Variants in VPS35L observed in about 807,000 individuals in gnomAD.
VPS35L encodes the protein VPS35 endosomal protein sorting factor like.
A neutral mutation model predicts 133.0 loss-of-function variants in VPS35L; 83 were observed. The observed-to-expected ratio is 0.62, with a 90% CI of 0.52 to 0.75. The LOEUF (loss-of-function observed/expected upper bound fraction) is 0.75, where lower values mean the gene tolerates loss of function less well. Among genes scored for constraint, VPS35L ranks in the 30% least tolerant of loss-of-function variants. VPS35L has a pLI of 0.00. For missense variants in VPS35L, 1,083 were observed against 1,206.8 expected, an observed-to-expected ratio of 0.90 and a Z score of 1.52; for synonymous variants, 423 against 449.9, an observed-to-expected ratio of 0.94 and a Z score of 0.76.
At chr16:19,667,089 G>A (rs1009374878) in intron 26 of VPS35L, among the ~76,000 whole-genome samples, 4 of 151,600 alleles carry the variant, frequency 2.6e-5, no homozygotes, top group Non-Finnish European at 4.4e-5. Flanking sequence ...TCAGCCTCCC[G>A]AGTAGCTGGA....
chr16:19,578,328 C>T (rs530691612), intron 5 of VPS35L: 26 of 440,062 alleles, frequency 5.9e-5, no homozygotes, highest in Non-Finnish European at 8.5e-5. Context: ...GAGCCGAGAT[C>T]GCGCCACCGC....
At position 19,633,059 on chromosome 16, in the gene VPS35L, C is replaced by T; in HGVS notation, c.1555-33C>T. The T allele has an allele frequency of 1.3e-6, 2 of 1,588,032 alleles. No individual in the cohort carries two copies. Among genetic ancestry groups the T allele is most frequent in the Non-Finnish European group, 1.7e-6 (2 of 1,156,354 alleles). On this transcript the variant is annotated intron_variant, in intron 18 of 30. Coordinates refer to ENST00000417362, the MANE Select transcript of VPS35L (RefSeq NM_020314.7). This position sits in a 1 kb window ranked among gnomAD's most constrained non-coding sequence, Gnocchi z 4.1. ...ATGGTCAGCAGTTGCCATACAGTGT[C>T]TAATTCAGGTTTGGTTCCTTTTTCC...
At chr16:19,627,516 A>G (rs1255462380) in intron 15 of VPS35L, among the ~76,000 whole-genome samples, 178 bp from the exon 16 acceptor site, 1 of 152,146 alleles carries the variant, frequency 6.6e-6, no homozygotes, top group East Asian at 1.9e-4. Flanking sequence ...TGAGTTGCAG[A>G]TATGTACAGG....
chr16:19,620,675 G>T (rs1308066592), intron 14 of VPS35L, among the ~76,000 whole-genome samples: 1 of 152,118 alleles, frequency 6.6e-6, no homozygotes, highest in African/African-American at 2.4e-5. Context: ...ATTAGGCCAG[G>T]CGTGGTGGCA....
rs1427745065 is a variant in VPS35L at position 19,699,488 on chromosome 16, C to T, written c.2647-14C>T. Reference sequence around the variant, plus strand: ...GCCCCAGTGCAAGGCAGTAACCTCCCTTTTCTGTTTCAGGCCCTGAAGCGC... The same window carrying T: ...GCCCCAGTGCAAGGCAGTAACCTCCTTTTTCTGTTTCAGGCCCTGAAGCGC... On this transcript the variant is annotated splice_polypyrimidine_tract_variant and intron_variant, in intron 29 of 30. Transcript: ENST00000417362. This position sits in a 1 kb window ranked among gnomAD's most constrained non-coding sequence, Gnocchi z 4.2. 1.2e-6 allele frequency: 2 copies of T among 1,613,854 alleles called. No individual in the cohort carries two copies. Among genetic ancestry groups the T allele is most frequent in the Admixed American group, 1.7e-5 (1 of 60,012 alleles).
intron 5 of VPS35L, among the ~76,000 whole-genome samples, chr16:19,575,908 C>G (rs1971518231): frequency 6.8e-6 from 1 of 147,676 alleles, no homozygotes; most frequent in Non-Finnish European, 1.5e-5. Context: ...GTAATCCCAG[C>G]AGTTTGGGAG....
chr16:19,570,874 TATATATATATATATA>T (rs1567388743), intron 3 of VPS35L, among the ~76,000 whole-genome samples: 47 of 88,202 alleles, frequency 5.3e-4, no homozygotes, highest in African/African-American at 1.1e-3. Context: ...TATATATATA[TATATATATATATATA>T]TTTTTGAGAT....
Position 19,691,473 on chromosome 16 carries a change from TG to T in VPS35L, c.2646+5del. The T allele has an allele frequency of 6.2e-7, 1 of 1,610,724 alleles. No individual in the cohort carries two copies. Among genetic ancestry groups the T allele is most frequent in the Non-Finnish European group, 8.5e-7 (1 of 1,177,006 alleles). On this transcript the variant is annotated splice_donor_region_variant and intron_variant, in intron 29 of 30. Transcript: ENST00000417362. ...CTGAAAACCCTGGCCAAGGACGAGG[TG>T]GGTGCCCTCTGCTGTCCTCCACCCG...
intron 8 of VPS35L, among the ~76,000 whole-genome samples, chr16:19,595,985 A>G (rs1972202689): frequency 6.6e-6 from 1 of 152,200 alleles, no homozygotes; most frequent in Admixed American, 6.5e-5. Flanking sequence ...CTCTACTAAA[A>G]ATACAAAAAT....
chr16:19,600,107 T>C (rs1972334546), intron 8 of VPS35L, among the ~76,000 whole-genome samples: 1 of 152,160 alleles, frequency 6.6e-6, no homozygotes, highest in Admixed American at 6.6e-5. Context: ...GAGAAGCACC[T>C]GGGTGGAACC....
At chr16:19,586,639 C>G (rs1449038510) in intron 7 of VPS35L, among the ~76,000 whole-genome samples, 1 of 152,208 alleles carries the variant, frequency 6.6e-6, no homozygotes, top group African/African-American at 2.4e-5. Flanking sequence ...CGTGCCCAGT[C>G]AGAAGTTTTT....
intron 27 of VPS35L, among the ~76,000 whole-genome samples, chr16:19,679,495 ATTTATTTATTTATTTATTTATTTT>A (rs1975187809): frequency 1.5e-5 from 2 of 133,762 alleles, no homozygotes; most frequent in East Asian, 2.2e-4. Flanking sequence ...TTATTTATTT[ATTTATTTATTTATTTATTTATTTT>A]TTTGGAGACA....
chr16:19,587,306 C>T (rs775546071), intron 7 of VPS35L: 10 of 451,150 alleles, frequency 2.2e-5, no homozygotes, highest in Non-Finnish European at 3.6e-5. Context: ...ATGTTTTTCT[C>T]TACTGAGATC....
intron 24 of VPS35L, among the ~76,000 whole-genome samples, chr16:19,648,297 A>G (rs1028578267): frequency 6.6e-6 from 1 of 151,748 alleles, no homozygotes; most frequent in African/African-American, 2.4e-5. Flanking sequence ...CTATTTTGTT[A>G]CTCTTCTCTA....
intron 27 of VPS35L, among the ~76,000 whole-genome samples, chr16:19,674,184 C>CTTTTTCTTTTTTTT (rs1555507022): frequency 1.1e-4 from 8 of 70,912 alleles, no homozygotes; most frequent in African/African-American, 4.4e-4. Flanking sequence ...TTTTCTTTTT[C>CTTTTTCTTTTTTTT]TTTTTTTTTT....
intron 12 of VPS35L, among the ~76,000 whole-genome samples, chr16:19,612,241 T>C (rs1275915256): frequency 1.4e-5 from 2 of 145,842 alleles, no homozygotes; most frequent in Non-Finnish European, 3.0e-5. Flanking sequence ...CCGGCCTTTT[T>C]TTGTTTTGTT....
intron 29 of VPS35L, among the ~76,000 whole-genome samples, chr16:19,696,329 G>C (rs1049672062): frequency 1.3e-5 from 2 of 152,302 alleles, no homozygotes; most frequent in East Asian, 1.9e-4. Context: ...CCCACTGAGT[G>C]GGGTGGGCGG....
At chr16:19,618,047 A>G (rs2151554980) in intron 14 of VPS35L, 1 of 134,048 alleles carries the variant, frequency 7.5e-6, no homozygotes, top group East Asian at 2.4e-4. Flanking sequence ...AGATTGCACC[A>G]CTGTACTCCA....
intron 12 of VPS35L, among the ~76,000 whole-genome samples, chr16:19,615,381 G>A (rs1316674287): frequency 1.3e-5 from 2 of 152,198 alleles, no homozygotes; most frequent in African/African-American, 4.8e-5. Flanking sequence ...TGGGCGTGGT[G>A]GCTCACACCT....
Sources: allele counts gnomAD v4.1 joint callset (sites outside exome capture counted in the v4.1 genomes callset), GRCh38; gene constraint gnomAD v4.1.1; non-coding constraint Gnocchi (gnomAD v3.1); transcripts MANE v1.5; gene names NCBI Gene and HGNC (gene_info 2026-07-23, HGNC 2026-07-21).